The following ZNF648 variants were observed in gnomAD, a reference collection of about 807,000 sequenced individuals.
The protein encoded by ZNF648 is zinc finger protein 648.
Under a neutral mutation model 0.3 loss-of-function variants are expected in ZNF648, and 1 was observed. The observed-to-expected ratio is 3.90, with a 90% CI of 1.39 to 18.51. The LOEUF (loss-of-function observed/expected upper bound fraction) is 18.51. Among genes scored for constraint, ZNF648 ranks in the 30% most tolerant of loss-of-function variants. The pLI, the probability that ZNF648 is intolerant of heterozygous loss-of-function variation, is 0.11. For synonymous variants in ZNF648, 376 were observed against 326.8 expected, an observed-to-expected ratio of 1.15 and a Z score of -1.62; for missense variants, 874 against 769.7, an observed-to-expected ratio of 1.14 and a Z score of -1.60.
At chr1:182,068,732 C>T in the ZNF648 span, among the ~76,000 whole-genome samples, 7 of 151,696 alleles carry the variant, frequency 4.6e-5, no homozygotes, top group Admixed American at 2.6e-4. Context: ...AGACCAGCCT[C>T]GGCAACATAG....
Position 182,057,386 on chromosome 1 carries a change from GTGTA to G in ZNF648, c.621_624del (p.Thr208GlnfsTer58). 2 of 1,613,522 alleles carry G rather than the reference GTGTA, an allele frequency of 1.2e-6. No individual in the cohort carries two copies. The highest frequency in any genetic ancestry group is 2.2e-5 in the South Asian group (2 of 91,076). On this transcript the variant is annotated frameshift_variant, in exon 2 of 2. Transcript: ENST00000339948. LOFTEE classifies it low-confidence loss of function (END_TRUNC). The stretch of plus-strand genomic sequence containing the variant: ...GCTGGGGTGGCCGACGCCTGGGCTG[GTGTA>G]TGTGTCTCTTGCGTGGGAAGGTCCC...
upstream of ZNF648, chr1:182,064,355 G>A (rs922137786): frequency 4.6e-5 from 7 of 151,968 alleles, no homozygotes; most frequent in African/African-American, 1.7e-4. Flanking sequence ...TTGTTTTTAG[G>A]GAAGACATCA....
At position 182,057,631 on chromosome 1, in the gene ZNF648, G is replaced by C. The variant is rs1204048538; in HGVS notation, c.380C>G (p.Pro127Arg). ...PGASRALGSL[P>R]SGLAHKLLGQ... ...TAACAATTTGTGTGCGAGACCACTG[G>C]GAAGGGAACCCAGAGCTCTGCTTGC... The change falls in exon 2 of 2, where the codon CCC (proline) becomes CGC (arginine). Residue 127 changes from proline to arginine, a missense_variant. Physicochemically the swap from Pro to Arg is moderately radical, Grantham distance 103 (BLOSUM62 -2). Transcript: ENST00000339948. The C allele has an allele frequency of 6.2e-7, 1 of 1,614,180 alleles. No homozygotes were observed. The highest frequency in any genetic ancestry group is 8.5e-7 in the Non-Finnish European group (1 of 1,180,030).
chr1:182,063,850 G>A (rs1438859696), upstream of ZNF648: 1 of 152,194 alleles, frequency 6.6e-6, no homozygotes, highest in African/African-American at 2.4e-5. Flanking sequence ...TTACGTTTAA[G>A]TCTTTAATTC....
rs2101918534 is a variant in ZNF648, at chr1:182,056,352, C to T, written c.1659G>A (p.Lys553=). 1.2e-6 allele frequency: 2 copies of T among 1,613,988 alleles called. No homozygotes were observed. Among genetic ancestry groups the T allele is most frequent in the Middle Eastern group, 3.3e-4 (2 of 6,060 alleles). ...TGGGCTCCTTCTTGCAGGTGCCGTGCTTGGCTCGGTGTCGTTGGAGGTGAT... is the reference window on the plus strand; with the variant it reads ...TGGGCTCCTTCTTGCAGGTGCCGTGTTTGGCTCGGTGTCGTTGGAGGTGAT... ...RSNHLQRHRA[K]HGTCKKEPIP... is the part of the protein sequence containing the mutation. The change falls in exon 2 of 2, where the codon AAG becomes AAA. Residue 553 remains lysine (K), a synonymous_variant. Transcript: ENST00000339948.
At chr1:182,064,334 T>C (rs1411854420), upstream of ZNF648, 1 of 152,154 alleles carries the variant, frequency 6.6e-6, no homozygotes. Flanking sequence ...TATTCATTAT[T>C]GATGATTTTG....
chr1:182,067,829 T>C, the ZNF648 span, among the ~76,000 whole-genome samples: 1 of 152,362 alleles, frequency 6.6e-6, no homozygotes, highest in African/African-American at 2.4e-5. Context: ...TCAAATTGTC[T>C]ACTGACATAG....
chr1:182,067,637 A>C, the ZNF648 span, among the ~76,000 whole-genome samples: 1 of 152,156 alleles, frequency 6.6e-6, no homozygotes, highest in Non-Finnish European at 1.5e-5. Context: ...TCTGGAGCTC[A>C]CCAGAAGACC....
In ZNF648 at chr1:182,056,829, G is replaced by A; in HGVS notation, c.1182C>T (p.Cys394=). ...RTHLGAKPFR[C]PACDREFAVA... ...CAGCGAACTCCCGGTCGCAGGCGGG[G>A]CAGCGGAAGGGCTTGGCGCCCAGGT... Residue 394 remains cysteine (C), a synonymous_variant, in exon 2 of 2, where the codon TGC becomes TGT. Transcript: ENST00000339948. The A allele has an allele frequency of 6.4e-7, 1 of 1,555,366 alleles. No individual in the cohort carries two copies. Among genetic ancestry groups the A allele is most frequent in the South Asian group, 1.2e-5 (1 of 84,732 alleles).
At chr1:182,068,093 C>T in the ZNF648 span, among the ~76,000 whole-genome samples, 1 of 152,208 alleles carries the variant, frequency 6.6e-6, no homozygotes, top group Non-Finnish European at 1.5e-5. Context: ...GTAATAAACA[C>T]ATTGAAAAAG....
chr1:182,057,267 A>G lies in ZNF648; in HGVS notation c.744T>C (p.Arg248=), dbSNP rs769136758. 6.3e-7 allele frequency: 1 copy of G among 1,586,994 alleles called. No homozygotes were observed. The highest frequency in any genetic ancestry group is 1.1e-5 in the South Asian group (1 of 89,392). Residue 248 remains arginine (R), a synonymous_variant, in exon 2 of 2, where the codon CGT becomes CGC. Coordinates refer to ENST00000339948, the MANE Select transcript of ZNF648 (RefSeq NM_001009992.1). ...GRREGGEAEA[R]PYRCLRGGRA... is the part of the protein sequence containing the mutation. The stretch of plus-strand genomic sequence containing the variant: ...GCCCGCCCCGCAGGCACCTGTAGGG[A>G]CGCGCCTCAGCCTCTCCGCCCTCGC...
chr1:182,061,248 T>G (rs995256242), intron 1 of ZNF648, among the ~76,000 whole-genome samples: 5 of 152,312 alleles, frequency 3.3e-5, no homozygotes, highest in African/African-American at 1.2e-4. Context: ...TGCCATGGTA[T>G]GGCGGGCCTC....
In ZNF648 at chr1:182,057,090, G is replaced by A; in HGVS notation, c.921C>T (p.Tyr307=). 2 of 1,612,114 alleles carry A rather than the reference G, an allele frequency of 1.2e-6. No individual in the cohort carries two copies. The highest frequency in any genetic ancestry group is 1.1e-5 in the South Asian group (1 of 91,086). Residue 307 remains tyrosine (Y), a synonymous_variant, in exon 2 of 2, where the codon TAC becomes TAT. Transcript: ENST00000339948. ...HRRLHTGERP[Y]QCSFCDKAYT... ...AGGCCTTGTCGCAGAAGGAGCACTGGTAGGGCCGCTCGCCCGTGTGCAGGC... is the reference window on the plus strand; with the variant it reads ...AGGCCTTGTCGCAGAAGGAGCACTGATAGGGCCGCTCGCCCGTGTGCAGGC...
chr1:182,058,134 C>T (rs1329134853), intron 1 of ZNF648, 61 bp from the exon 2 acceptor site: 5 of 1,223,572 alleles, frequency 4.1e-6, no homozygotes, highest in Non-Finnish European at 5.6e-6. Flanking sequence ...CTTTCATGAG[C>T]AGAGGGACTG....
chr1:182,056,660 C>A lies in ZNF648; in HGVS notation c.1351G>T (p.Ala451Ser). The change falls in exon 2 of 2, where the codon GCT (alanine) becomes TCT (serine). Residue 451 changes from alanine to serine, a missense_variant. Ala to Ser is a moderately conservative substitution (Grantham distance 99). Coordinates refer to ENST00000339948, the MANE Select transcript of ZNF648 (RefSeq NM_001009992.1). ...LHTGQRPFKC[A>S]DCGVAFAQPS... is the part of the protein sequence containing the mutation. ...TGCGCGAAGGCCACGCCGCAGTCAG[C>A]GCACTTGAAAGGCCTCTGGCCGGTG... 3.1e-6 allele frequency: 5 copies of A among 1,607,438 alleles called. No individual in the cohort carries two copies. Among genetic ancestry groups the A allele is most frequent in the South Asian group, 1.1e-5 (1 of 90,066 alleles).
At chr1:182,068,720 C>T in the ZNF648 span, among the ~76,000 whole-genome samples, 14 of 151,920 alleles carry the variant, frequency 9.2e-5, no homozygotes, top group African/African-American at 3.4e-4. Context: ...CCCAGGAGTT[C>T]GAGACCAGCC....
At chr1:182,060,073 C>T (rs2101921538) in intron 1 of ZNF648, among the ~76,000 whole-genome samples, 2 of 152,316 alleles carry the variant, frequency 1.3e-5, no homozygotes, top group South Asian at 4.1e-4. Flanking sequence ...TGGCTTTCTG[C>T]AGGCATCAAA....
intron 1 of ZNF648, 32 bp from the exon 2 acceptor site, chr1:182,058,105 C>A: frequency 2.1e-6 from 3 of 1,438,660 alleles, no homozygotes; most frequent in Non-Finnish European, 2.8e-6. Context: ...GAGAAAATCA[C>A]AAAGAATGTA....
Position 182,057,099 on chromosome 1 carries a change from C to T in ZNF648, c.912G>A (p.Glu304=). ...LQQHRRLHTG[E]RPYQCSFCDK... ...CGCAGAAGGAGCACTGGTAGGGCCG[C>T]TCGCCCGTGTGCAGGCGCCTGTGCT... is the stretch of plus-strand genomic sequence containing the variant. The change falls in exon 2 of 2, where the codon GAG becomes GAA. Residue 304 remains glutamate (E), a synonymous_variant. Coordinates refer to ENST00000339948, the MANE Select transcript of ZNF648 (RefSeq NM_001009992.1). 1.9e-6 allele frequency: 3 copies of T among 1,611,162 alleles called. No individual in the cohort carries two copies. In the South Asian group the frequency reaches 3.3e-5, roughly 18 times the overall value.
Sources: gnomAD v4.1 joint callset for allele counts (sites outside exome capture counted in the v4.1 genomes callset) on GRCh38, gnomAD v4.1.1 for gene constraint, MANE v1.5 for transcripts, NCBI Gene and HGNC (gene_info 2026-07-23, HGNC 2026-07-21) for gene names.